Variants in GRID2 observed in about 807,000 individuals in gnomAD.
GRID2 encodes glutamate receptor ionotropic, delta-2.
In GRID2, 33 loss-of-function variants were observed where a neutral mutation model predicts 114.8. The ratio of observed to expected loss-of-function variants is 0.29; its 90% CI spans 0.22 to 0.38. The LOEUF (loss-of-function observed/expected upper bound fraction) is 0.38, where lower values mean the gene tolerates loss of function less well. Ranked by LOEUF, GRID2 falls within the 10% of genes least tolerant of loss-of-function variation. The pLI, the probability that GRID2 is intolerant of heterozygous loss-of-function variation, is 1.00. For missense variants in GRID2, 1,184 were observed against 1,257.7 expected (o/e 0.94, Z 0.89); for synonymous variants, 505 against 449.9 (o/e 1.12, Z -1.55).
At chr4:92,782,223 T>G (rs766777865) in intron 2 of GRID2, among the ~76,000 whole-genome samples, 4 of 152,070 alleles carry the variant, frequency 2.6e-5, no homozygotes, top group Non-Finnish European at 5.9e-5. Flanking sequence ...TAAAATTTCT[T>G]CAGGAATTTG....
chr4:92,880,277 G>T (rs1262624329), intron 2 of GRID2, among the ~76,000 whole-genome samples: 1 of 152,040 alleles, frequency 6.6e-6, no homozygotes, highest in Non-Finnish European at 1.5e-5. Context: ...ATTAACAACT[G>T]GTCTTTGAGG....
intron 1 of GRID2, among the ~76,000 whole-genome samples, chr4:92,540,280 G>A (rs1725865612): frequency 6.6e-6 from 1 of 152,102 alleles, no homozygotes; most frequent in South Asian, 2.1e-4. Flanking sequence ...GGCAACAAAA[G>A]CCAAAATTGA....
intron 14 of GRID2, among the ~76,000 whole-genome samples, chr4:93,734,453 T>C (rs181742874): frequency 6.6e-6 from 1 of 152,170 alleles, no homozygotes; most frequent in East Asian, 1.9e-4. Context: ...TGGTTTCCCT[T>C]ATTGAAATCA....
chr4:93,049,515 C>A (rs903702364), intron 2 of GRID2, among the ~76,000 whole-genome samples: 4 of 151,554 alleles, frequency 2.6e-5, no homozygotes, highest in Admixed American at 6.6e-5. Context: ...AATTATCCCC[C>A]CCCCAAAAAA....
chr4:93,668,302 A>G (rs1446889446), intron 14 of GRID2, among the ~76,000 whole-genome samples: 1 of 151,996 alleles, frequency 6.6e-6, no homozygotes, highest in African/African-American at 2.4e-5. Flanking sequence ...AGATTACTGA[A>G]ATGTATATAA....
At chr4:92,837,987 T>G (rs1164236348) in intron 2 of GRID2, among the ~76,000 whole-genome samples, 1 of 152,044 alleles carries the variant, frequency 6.6e-6, no homozygotes, top group Admixed American at 6.6e-5. Context: ...AGCATTCAAT[T>G]AAAATAATGT....
At chr4:93,099,162 C>T (rs1450802217) in intron 3 of GRID2, among the ~76,000 whole-genome samples, 1 of 151,744 alleles carries the variant, frequency 6.6e-6, no homozygotes, top group Non-Finnish European at 1.5e-5. Flanking sequence ...CATGATGACT[C>T]TTTGGTAGAA....
At chr4:92,509,431 A>G (rs186885186) in intron 1 of GRID2, among the ~76,000 whole-genome samples, 245 of 152,086 alleles carry the variant, frequency 1.6e-3, no homozygotes, top group Middle Eastern at 3.4e-3. Flanking sequence ...TCTTTCCTTC[A>G]TTCACTCAAC....
chr4:93,338,975 G>A (rs889583095), intron 8 of GRID2, among the ~76,000 whole-genome samples: 2 of 152,050 alleles, frequency 1.3e-5, no homozygotes, highest in Admixed American at 1.3e-4. Flanking sequence ...TGACTTTCTT[G>A]AATCACTTGC....
At chr4:93,629,327 G>A (rs935019642) in intron 14 of GRID2, among the ~76,000 whole-genome samples, 13 of 152,010 alleles carry the variant, frequency 8.6e-5, no homozygotes, top group African/African-American at 2.9e-4. Context: ...TCTTGGTAAC[G>A]ACACCCTGCA....
intron 8 of GRID2, among the ~76,000 whole-genome samples, chr4:93,347,955 G>T (rs921587012): frequency 2.0e-5 from 3 of 152,092 alleles, no homozygotes; most frequent in Non-Finnish European, 4.4e-5. Context: ...ATATGGGTCA[G>T]TGACGTTTTT....
chr4:93,439,963 G>A (rs1326465296), intron 10 of GRID2, among the ~76,000 whole-genome samples: 1 of 151,934 alleles, frequency 6.6e-6, no homozygotes, highest in Non-Finnish European at 1.5e-5. Flanking sequence ...CAAACTTAGG[G>A]TGGCAAGAAC....
At chr4:92,914,079 G>A (rs992828148) in intron 2 of GRID2, among the ~76,000 whole-genome samples, 5 of 152,010 alleles carry the variant, frequency 3.3e-5, no homozygotes, top group Non-Finnish European at 5.9e-5. Flanking sequence ...AAACAACAAT[G>A]AATTAACATT....
intron 1 of GRID2, among the ~76,000 whole-genome samples, chr4:93,802,729 A>T (rs1734955900): frequency 6.6e-6 from 1 of 152,178 alleles, no homozygotes; most frequent in Non-Finnish European, 1.5e-5. Flanking sequence ...CAGGGCAAAA[A>T]CCCATAGTCA....
intron 8 of GRID2, among the ~76,000 whole-genome samples, chr4:93,366,715 T>C (rs954311398): frequency 6.6e-6 from 1 of 152,038 alleles, no homozygotes; most frequent in Non-Finnish European, 1.5e-5. Context: ...CCTACCGACA[T>C]GTGATGTCTA....
intron 11 of GRID2, among the ~76,000 whole-genome samples, chr4:93,459,993 A>T (rs1215684872): frequency 6.6e-6 from 1 of 152,166 alleles, no homozygotes; most frequent in East Asian, 1.9e-4. Context: ...TTATCTAGAA[A>T]GATTAGCCTA....
At chr4:92,497,290 T>A (rs1723436234) in intron 1 of GRID2, among the ~76,000 whole-genome samples, 1 of 151,832 alleles carries the variant, frequency 6.6e-6, no homozygotes, top group South Asian at 2.1e-4. Flanking sequence ...GGTATCTAAT[T>A]TTCATTTTAA....
At chr4:93,644,129 CT>C (rs1466470143) in intron 14 of GRID2, among the ~76,000 whole-genome samples, 2 of 85,992 alleles carry the variant, frequency 2.3e-5, no homozygotes, top group East Asian at 2.3e-4. Context: ...TCCCTGACCC[CT>C]TGCGCTTCCC....
intron 14 of GRID2, among the ~76,000 whole-genome samples, chr4:93,742,829 G>T (rs1016223696): frequency 6.6e-6 from 1 of 151,972 alleles, no homozygotes. Context: ...TTGAAATTTG[G>T]CTAAATAATA....
Sources: allele counts gnomAD v4.1 joint callset (sites outside exome capture counted in the v4.1 genomes callset), GRCh38; gene constraint gnomAD v4.1.1; transcripts MANE v1.5; gene names NCBI Gene and HGNC (gene_info 2026-07-23, HGNC 2026-07-21).